The following PHLDB2 variants were observed in gnomAD, a reference collection of about 807,000 sequenced individuals.
The protein encoded by PHLDB2 is pleckstrin homology like domain family B member 2, also known as pleckstrin homology-like domain family B member 2.
In PHLDB2, 71 loss-of-function variants were observed where a neutral mutation model predicts 123.6. The ratio of observed to expected loss-of-function variants is 0.57; its 90% CI spans 0.47 to 0.70. The LOEUF is 0.70. Among genes scored for constraint, PHLDB2 ranks in the 30% least tolerant of loss-of-function variants. The pLI is 0.00. For missense variants in PHLDB2, 1,446 were observed against 1,519.5 expected (o/e 0.95, Z 0.80); for synonymous variants, 547 against 541.6 (o/e 1.01, Z -0.14).
chr3:111,859,380 G>C lies in PHLDB2; in HGVS notation c.-211G>C. ...AGCAAACTGCCTGGGAGCGGGGCAG[G>C]TCACCAACTTCGTTGCTCGAACTCC... On this transcript the variant is annotated 5_prime_UTR_variant, in exon 1 of 18. Transcript: ENST00000431670. 2.0e-6 allele frequency: 2 copies of C among 985,670 alleles called. No individual in the cohort carries two copies. The highest frequency in any genetic ancestry group is 2.4e-6 in the Non-Finnish European group (2 of 830,112). The allele number at this position is 985,670 out of a possible 1,614,324, so 61.1% of individuals were successfully genotyped here.
At chr3:111,910,997 A>G (rs1376575442) in intron 2 of PHLDB2, among the ~76,000 whole-genome samples, 1 of 152,246 alleles carries the variant, frequency 6.6e-6, no homozygotes, top group African/African-American at 2.4e-5. Context: ...CCAGTAGACC[A>G]AACTTCCTGT....
At chr3:111,921,447 G>A (rs941985851) in intron 5 of PHLDB2, among the ~76,000 whole-genome samples, 2 of 152,030 alleles carry the variant, frequency 1.3e-5, no homozygotes, top group Admixed American at 6.6e-5. Flanking sequence ...ATAAATAAGG[G>A]CATTTGATCT....
intron 1 of PHLDB2, among the ~76,000 whole-genome samples, chr3:111,740,494 A>T (rs1226622944): frequency 6.6e-6 from 1 of 152,146 alleles, no homozygotes; most frequent in Non-Finnish European, 1.5e-5. Context: ...TCTTCAAGTG[A>T]CTTTCTGCTT....
chr3:111,946,703 A>G (rs1282733), intron 9 of PHLDB2, among the ~76,000 whole-genome samples: 13 of 152,220 alleles, frequency 8.5e-5, no homozygotes, highest in African/African-American at 3.1e-4. Flanking sequence ...GAGTCTGTTA[A>G]AGAAATATGG....
chr3:111,872,359 T>C (rs1278778967), intron 1 of PHLDB2, among the ~76,000 whole-genome samples: 2 of 152,164 alleles, frequency 1.3e-5, no homozygotes, highest in Non-Finnish European at 2.9e-5. Flanking sequence ...GGCTGTAAAC[T>C]TTGGCATCTT....
In PHLDB2 at chr3:111,859,323, C is replaced by T. The variant is rs903724777; in HGVS notation, c.-268C>T. ...GGCGCCCAGTGATGGGGCAAACAGC[C>T]ATGCCCTTCCAGCAGCCGTGAAAGC... On this transcript the variant is annotated 5_prime_UTR_variant, in exon 1 of 18. Coordinates refer to ENST00000431670, the MANE Select transcript of PHLDB2 (RefSeq NM_001134438.2). 2.0e-6 allele frequency: 2 copies of T among 985,448 alleles called. No homozygotes were observed. The highest frequency in any genetic ancestry group is 1.7e-5 in the African/African-American group (1 of 57,262). The allele number at this position is 985,448 out of a possible 1,614,324, so 61.0% of individuals were successfully genotyped here.
In PHLDB2 at chr3:111,974,781, G is replaced by A; in HGVS notation, c.*218G>A. ...ATAGCAAAATAATTGAAGCTTCCAT[G>A]AGAAAGAAAACACTATTTTGATAAA... On this transcript the variant is annotated 3_prime_UTR_variant, in exon 18 of 18. Coordinates refer to ENST00000431670, the MANE Select transcript of PHLDB2 (RefSeq NM_001134438.2). 1 of 372,620 alleles carries A rather than the reference G, an allele frequency of 2.7e-6. No individual in the cohort carries two copies. Among genetic ancestry groups the A allele is most frequent in the East Asian group, 4.2e-5 (1 of 23,678 alleles). The allele number at this position is 372,620 out of a possible 1,614,324, so 23.1% of individuals were successfully genotyped here. A position where few individuals can be genotyped will look rare whatever the true frequency, so the allele number is the denominator to read the frequency against.
intron 1 of PHLDB2, among the ~76,000 whole-genome samples, chr3:111,880,008 G>A (rs62277586): frequency 4.2e-4 from 34 of 80,390 alleles, no homozygotes; most frequent in African/African-American, 1.5e-3. Context: ...TTTTTTTTTG[G>A]CCATATCCAC....
chr3:111,778,619 G>C (rs1457979444), intron 1 of PHLDB2, among the ~76,000 whole-genome samples: 3 of 152,032 alleles, frequency 2.0e-5, no homozygotes, highest in African/African-American at 7.2e-5. Flanking sequence ...CTTGACCATA[G>C]TTTTAGTGAA....
intron 1 of PHLDB2, among the ~76,000 whole-genome samples, chr3:111,820,082 T>C (rs537597239): frequency 9.2e-5 from 14 of 152,352 alleles, no homozygotes; most frequent in African/African-American, 3.4e-4. Context: ...TCTTTGTTTT[T>C]CTTGAGCTCT....
At chr3:111,832,971 AATAT>A (rs1319171422) in intron 1 of PHLDB2, among the ~76,000 whole-genome samples, 1 of 992 alleles carries the variant, frequency 1.0e-3, no homozygotes, top group African/African-American at 4.1e-3. Context: ...TTATACATAT[AATAT>A]ATATAATAGA....
intron 1 of PHLDB2, among the ~76,000 whole-genome samples, chr3:111,805,847 A>C (rs747227712): frequency 2.2e-4 from 18 of 80,950 alleles, no homozygotes; most frequent in Admixed American, 4.2e-4. Context: ...AGATGTATGC[A>C]AAAAAAAAAA....
At chr3:111,908,406 T>TA (rs1024680036) in intron 2 of PHLDB2, among the ~76,000 whole-genome samples, 2 of 151,948 alleles carry the variant, frequency 1.3e-5, no homozygotes, top group African/African-American at 2.4e-5. Context: ...TAGTAAAATT[T>TA]AAAAAAAACT....
chr3:111,734,259 G>T (rs531016717), intron 1 of PHLDB2, among the ~76,000 whole-genome samples: 3 of 152,152 alleles, frequency 2.0e-5, no homozygotes, highest in Admixed American at 6.5e-5. Flanking sequence ...TGGTTTTGAC[G>T]AGGGAAAAGG....
At chr3:111,859,256 A>G (rs1288636387), upstream of PHLDB2, 2 of 985,356 alleles carry the variant, frequency 2.0e-6, no homozygotes, top group African/African-American at 3.5e-5. Context: ...GCCTGCCACG[A>G]AAGTCCCTAC....
In PHLDB2 at chr3:111,885,111, C is replaced by G. The variant is rs2066091000; in HGVS notation, c.1034C>G (p.Ser345Cys). ...GTGGCTCGGAAGATGCTTCTGGCCT[C>G]CACCTCCTCCTGTGCCTCTGATGAC... Reference protein sequence around the residue: ...PRVARKMLLASTSSCASDDFD... With the variant: ...PRVARKMLLACTSSCASDDFD... The change falls in exon 2 of 18, where the codon TCC becomes TGC. Residue 345 changes from serine (S) to cysteine (C), a missense_variant. Physicochemically the swap from Ser to Cys is moderately radical, Grantham distance 112. This residue lies in a region of PHLDB2 where 832 missense variants were observed against 831.9 expected (regional missense o/e 1.00). Coordinates refer to ENST00000431670, the MANE Select transcript of PHLDB2 (RefSeq NM_001134438.2). The G allele has an allele frequency of 6.2e-7, 1 of 1,613,978 alleles. No individual in the cohort carries two copies. Among genetic ancestry groups the G allele is most frequent in the Non-Finnish European group, 8.5e-7 (1 of 1,180,022 alleles).
At chr3:111,823,407 G>A (rs1290193374) in intron 1 of PHLDB2, among the ~76,000 whole-genome samples, 1 of 152,216 alleles carries the variant, frequency 6.6e-6, no homozygotes, top group African/African-American at 2.4e-5. Flanking sequence ...ATATCGTAGT[G>A]CTTGAAGGAA....
chr3:111,969,058 A>G (rs938640587), intron 15 of PHLDB2, among the ~76,000 whole-genome samples: 7 of 152,190 alleles, frequency 4.6e-5, no homozygotes, highest in South Asian at 2.1e-4. Flanking sequence ...AAAGACATCT[A>G]AATACATCCC....
In PHLDB2 at chr3:111,924,201, G is replaced by C. The variant is rs139354868; in HGVS notation, c.2001+3782G>C. ...AGATCAGTGTTAGTTTTTCAGAAAA[G>C]CCCTCCTAGACCTTTCCAGTTCGGG... On this transcript the variant is annotated intron_variant, in intron 5 of 17. Transcript: ENST00000431670. Among the ~76,000 whole-genome samples, 640 of 152,322 alleles carry C rather than the reference G, an allele frequency of 4.2e-3. 5 individuals are homozygous for C. The highest frequency in any genetic ancestry group is 6.8e-3 in the Non-Finnish European group (461 of 68,034).
Sources: allele counts gnomAD v4.1 joint callset (sites outside exome capture counted in the v4.1 genomes callset), GRCh38; gene constraint gnomAD v4.1.1; regional missense constraint gnomAD v4.1.1; transcripts MANE v1.5; gene names NCBI Gene and HGNC (gene_info 2026-07-23, HGNC 2026-07-21).